The following SRRM2 variants were observed in gnomAD, a reference collection of about 807,000 sequenced individuals.
The protein encoded by SRRM2 is serine/arginine repetitive matrix 2.
A neutral mutation model predicts 213.8 loss-of-function variants in SRRM2; 30 were observed. The observed-to-expected ratio is 0.14, with a 90% CI of 0.10 to 0.19. The LOEUF is 0.19. SRRM2 is among the 10% of genes least tolerant of loss of function. The pLI, the probability that SRRM2 is intolerant of heterozygous loss-of-function variation, is 1.00. For missense variants in SRRM2, 4,904 were observed against 3,647.0 expected (o/e 1.34, Z -8.88); for synonymous variants, 2,025 against 1,377.7 (o/e 1.47, Z -10.40).
intron 12 of SRRM2, 148 bp from the exon 13 acceptor site, chr16:2,770,204 G>A (rs1166598768): frequency 2.1e-6 from 3 of 1,449,594 alleles, no homozygotes; most frequent in Non-Finnish European, 1.8e-6. Flanking sequence ...GTGTGCGGGC[G>A]GATGGGTGAG....
Position 2,769,159 on chromosome 16 carries a change from CTCTTCT to C in SRRM2, c.7905_7910del (p.Ser2647_Ser2648del), listed in dbSNP as rs759183202. The C allele has an allele frequency of 5.5e-5, 88 of 1,610,110 alleles. No homozygotes were observed. The highest frequency in any genetic ancestry group is 2.5e-4 in the Admixed American group (15 of 59,946). On this transcript the variant is annotated inframe_deletion, in exon 12 of 15. Coordinates refer to ENST00000301740, the MANE Select transcript of SRRM2 (RefSeq NM_016333.4). ...CCTCCTCTTCTTCCTCCTCCTCTTC[CTCTTCT>C]TCTTCTTCCTCCTCATCTTCCTCCT...
chr16:2,753,458 G>A (rs1188765659), intron 1 of SRRM2: 2 of 152,264 alleles, frequency 1.3e-5, no homozygotes, highest in African/African-American at 4.8e-5. Flanking sequence ...GTTGTTAGTG[G>A]CGGGGAGAAA....
chr16:2,765,995 A>G lies in SRRM2; in HGVS notation c.5467A>G (p.Arg1823Gly), dbSNP rs746110674. 10 of 1,613,980 alleles carry G rather than the reference A, an allele frequency of 6.2e-6. No homozygotes were observed. In the East Asian group the frequency reaches 8.9e-5, roughly 14 times the overall value. Reference sequence around the variant, plus strand: ...GAGGGGAGGCTCTGGTTATCACTCAAGGTCACCTGCCCGGCAGGAAAGTTC... The same window carrying G: ...GAGGGGAGGCTCTGGTTATCACTCAGGGTCACCTGCCCGGCAGGAAAGTTC... The part of the protein sequence containing the change: ...RRRGGSGYHS[R>G]SPARQESSRT... The change falls in exon 11 of 15, where the codon AGG (arginine) becomes GGG (glycine). Residue 1823 changes from arginine (R) to glycine (G), a missense_variant. By Grantham distance (125) the Arg-to-Gly change is moderately radical. Transcript: ENST00000301740.
intron 8 of SRRM2, 26 bp from the exon 9 acceptor site, chr16:2,759,543 G>T (rs775250079): frequency 6.2e-7 from 1 of 1,610,290 alleles, no homozygotes; most frequent in East Asian, 2.2e-5. Context: ...GCAGTACCCT[G>T]AGCTGTGGTG....
At position 2,757,939 on chromosome 16, in the gene SRRM2, C is replaced by T. The variant is rs529937149; in HGVS notation, c.509C>T (p.Pro170Leu). 1.9e-6 allele frequency: 3 copies of T among 1,613,230 alleles called. No individual in the cohort carries two copies. Among genetic ancestry groups the T allele is most frequent in the Non-Finnish European group, 8.5e-7 (1 of 1,179,704 alleles). The change falls in exon 4 of 15, where the codon CCT becomes CTT. Residue 170 changes from proline (P) to leucine (L), a missense_variant. Physicochemically the swap from Pro to Leu is moderately conservative, Grantham distance 98. Transcript: ENST00000301740. ...CAACCAGCTCCTGAGCCTCCCAAAC[C>T]TTACAGGTATACAAGGCCAAGAAAC... ...AKQPAPEPPK[P>L]YSLVRESSSS...
rs1205584632 is a variant in SRRM2, at chr16:2,754,445, C to T, written c.-32+1599C>T. ...AGTTGCTGAGATTACAGGCAATCGC[C>T]GCCGCCCAGCTAATTTTTGTATTTT... On this transcript the variant is annotated intron_variant, in intron 1 of 14. Transcript: ENST00000301740. Among the ~76,000 whole-genome samples the T allele has an allele frequency of 3.9e-5, 6 of 152,138 alleles. No homozygotes were observed. In the South Asian group the frequency reaches 8.3e-4, roughly 21 times the overall value.
chr16:2,768,868 A>ACGTGGCT, intron 11 of SRRM2, 129 bp from the exon 12 acceptor site: 1 of 1,537,592 alleles, frequency 6.5e-7, no homozygotes. Context: ...TTGCTGGCTC[A>ACGTGGCT]CGTGGCTCGG....
At chr16:2,758,892 G>A (rs2068241195) in intron 5 of SRRM2, 93 bp from the exon 6 acceptor site, 4 of 1,404,594 alleles carry the variant, frequency 2.8e-6, no homozygotes, top group Middle Eastern at 2.1e-4. Context: ...GGACATTCAA[G>A]TGTTTTAGAA....
At position 2,758,498 on chromosome 16, in the gene SRRM2, T is replaced by G; in HGVS notation, c.544T>G (p.Ser182Ala). ...SLVRESSSSR[S>A]PTPKQKKKKK... ...TGTTCGGGAGTCTAGCAGTTCTCGC[T>G]CACCAACCCCAAAGCAGAAGAAGAA... Residue 182 changes from serine to alanine, a missense_variant, in exon 5 of 15, where the codon TCA (serine) becomes GCA (alanine). Ser to Ala is a moderately conservative substitution (Grantham distance 99). Coordinates refer to ENST00000301740, the MANE Select transcript of SRRM2 (RefSeq NM_016333.4). 6.2e-7 allele frequency: 1 copy of G among 1,614,184 alleles called. No homozygotes were observed. Among genetic ancestry groups the G allele is most frequent in the South Asian group, 1.1e-5 (1 of 91,074 alleles).
At chr16:2,757,693 G>A (rs72768757) in intron 3 of SRRM2, 88 bp from the exon 4 acceptor site, 26 of 1,583,048 alleles carry the variant, frequency 1.6e-5, no homozygotes, top group Admixed American at 8.9e-5. Context: ...CCTTTCCCAT[G>A]CCTTATTTGG....
rs200535115 is a variant in SRRM2, at chr16:2,759,645, G to T, written c.817G>T (p.Asp273Tyr). 6.2e-7 allele frequency: 1 copy of T among 1,613,778 alleles called. No homozygotes were observed. The highest frequency in any genetic ancestry group is 8.5e-7 in the Non-Finnish European group (1 of 1,179,884). Reference protein sequence around the residue: ...STSADSASSSDTSRSRSRSAA... With the variant: ...STSADSASSSYTSRSRSRSAA... ...TTCTGCTGACTCTGCTTCCTCCTCC[G>T]ATACTTCCCGCAGTCGGTAAGGGGT... Residue 273 changes from aspartate (D) to tyrosine (Y), a missense_variant, in exon 9 of 15, where the codon GAT becomes TAT. Transcript: ENST00000301740.
rs531011609 is a variant in SRRM2 at position 2,758,280 on chromosome 16, G to T, written c.516-190G>T. On this transcript the variant is annotated intron_variant, in intron 4 of 14. Transcript: ENST00000301740. ...CTGCTTGGAGAGGTGGAGGCAGGAG[G>T]GTCTTTTGAGCCCACAAGTTGGAGG... Among the ~76,000 whole-genome samples the T allele has an allele frequency of 8.5e-5, 13 of 152,232 alleles. No individual in the cohort carries two copies. The East Asian group carries it at 2.5e-3, about 29-fold the overall frequency.
rs2068298591 is a variant in SRRM2, at chr16:2,760,423, A to G, written c.956A>G (p.Gln319Arg). The change falls in exon 10 of 15, where the codon CAA (glutamine) becomes CGA (arginine). Residue 319 changes from glutamine (Q) to arginine (R), a missense_variant. Coordinates refer to ENST00000301740, the MANE Select transcript of SRRM2 (RefSeq NM_016333.4). ...PFSEPGTTSTQRPSSPETATK... is the reference protein window; with the variant it reads ...PFSEPGTTSTRRPSSPETATK... ...AGTGAACCAGGTACTACCAGCACAC[A>G]ACGGCCTAGTAGCCCGGAGACTGCT... The G allele has an allele frequency of 3.7e-6, 6 of 1,614,056 alleles. No individual in the cohort carries two copies. Among genetic ancestry groups the G allele is most frequent in the Middle Eastern group, 1.6e-4 (1 of 6,084 alleles).
rs1314689101 is a variant in SRRM2 at position 2,766,763 on chromosome 16, T to C, written c.6235T>C (p.Ser2079Pro). 1.9e-6 allele frequency: 3 copies of C among 1,614,034 alleles called. No individual in the cohort carries two copies. The Admixed American group carries it at 5.0e-5, about 27-fold the overall frequency. The change falls in exon 11 of 15, where the codon TCT (serine) becomes CCT (proline). Residue 2079 changes from serine (S) to proline (P), a missense_variant. Coordinates refer to ENST00000301740, the MANE Select transcript of SRRM2 (RefSeq NM_016333.4). The surrounding 1 kb of genome is among the most constrained non-coding windows in gnomAD (Gnocchi z 7.0). Reference sequence around the variant, plus strand: ...ATCTCCTCCAGCCATCCGCAGGCGTTCTGCATCTGGAAGTAGTTCTGATCG... The same window carrying C: ...ATCTCCTCCAGCCATCCGCAGGCGTCCTGCATCTGGAAGTAGTTCTGATCG... Reference protein sequence around the residue: ...TRSPPAIRRRSASGSSSDRSR... With the variant: ...TRSPPAIRRRPASGSSSDRSR...
rs769183655 is a variant in SRRM2, at chr16:2,763,749, C to G, written c.3221C>G (p.Pro1074Arg). 1 of 1,614,150 alleles carries G rather than the reference C, an allele frequency of 6.2e-7. No individual in the cohort carries two copies. The highest frequency in any genetic ancestry group is 1.1e-5 in the South Asian group (1 of 91,078). ...SPDHRSDTSS[P>R]EVRQSHSESP... ...GACCACAGATCTGATACTTCAAGTC[C>G]AGAAGTGAGACAGAGTCATTCAGAA... Residue 1074 changes from proline (P) to arginine (R), a missense_variant, in exon 11 of 15, where the codon CCA becomes CGA. Transcript: ENST00000301740.
chr16:2,766,912 T>G lies in SRRM2; in HGVS notation c.6384T>G (p.Asp2128Glu). The G allele has an allele frequency of 6.2e-7, 1 of 1,614,130 alleles. No homozygotes were observed. Among genetic ancestry groups the G allele is most frequent in the East Asian group, 2.2e-5 (1 of 44,882 alleles). ...CTAGCATGTCCCCAACACCTCTTGA[T>G]CGCTGCAGATCACCTGGAATGCTTG... ...SRPSMSPTPL[D>E]RCRSPGMLEP... is the part of the protein sequence containing the mutation. Residue 2128 changes from aspartate (D) to glutamate (E), a missense_variant, in exon 11 of 15, where the codon GAT becomes GAG. Transcript: ENST00000301740. This position sits in a 1 kb window ranked among gnomAD's most constrained non-coding sequence, Gnocchi z 7.0.
chr16:2,757,293 A>G (rs2068178497), intron 2 of SRRM2, among the ~76,000 whole-genome samples, 179 bp from the exon 3 acceptor site: 1 of 152,078 alleles, frequency 6.6e-6, no homozygotes, highest in African/African-American at 2.4e-5. Context: ...TAGAGGGAGT[A>G]GTAAGTAGAG....
At position 2,752,745 on chromosome 16, in the gene SRRM2, CGGCGA is replaced by C. The variant is rs573505263; in HGVS notation, c.-123_-119del. 450 of 351,942 alleles carry C rather than the reference CGGCGA, an allele frequency of 1.3e-3. No homozygotes were observed. Among genetic ancestry groups the C allele is most frequent in the African/African-American group, 8.1e-3 (362 of 44,518 alleles). 21.8% of individuals were successfully genotyped at this position (351,942 alleles called of 1,614,324 possible). On this transcript the variant is annotated 5_prime_UTR_variant, in exon 1 of 15. Transcript: ENST00000301740. ...TCGGCGTCGGCTGAGGCGGGCGGAC[CGGCGA>C]GGCGAGGCGGCGGCCCCAGGCCCGA...
Position 2,759,375 on chromosome 16 carries a change from G to C in SRRM2, c.713G>C (p.Arg238Pro). ...AGGTCTCCCACTCCAAAGAGCAAACGTAAATCTAAGGACAAAAAGCGAAAG... is the reference window on the plus strand; with the variant it reads ...AGGTCTCCCACTCCAAAGAGCAAACCTAAATCTAAGGACAAAAAGCGAAAG... ...KHRSPTPKSK[R>P]KSKDKKRKRS... The change falls in exon 8 of 15, where the codon CGT (arginine) becomes CCT (proline). Residue 238 changes from arginine (R) to proline (P), a missense_variant. By Grantham distance (103) the Arg-to-Pro change is moderately radical. Transcript: ENST00000301740. The C allele has an allele frequency of 1.3e-6, 2 of 1,596,488 alleles. No homozygotes were observed. The highest frequency in any genetic ancestry group is 1.7e-6 in the Non-Finnish European group (2 of 1,175,240).
Sources: allele counts gnomAD v4.1 joint callset (sites outside exome capture counted in the v4.1 genomes callset), GRCh38; gene constraint gnomAD v4.1.1; non-coding constraint Gnocchi (gnomAD v3.1); transcripts MANE v1.5; gene names NCBI Gene and HGNC (gene_info 2026-07-23, HGNC 2026-07-21).